GSE1: variants seen among roughly 807,000 people sequenced by gnomAD.
GSE1 encodes genetic suppressor element 1.
A neutral mutation model predicts 112.6 loss-of-function variants in GSE1; 32 were observed. That is an observed-to-expected ratio of 0.28 (90% CI 0.21 to 0.38). GSE1 has a LOEUF of 0.38. Among genes scored for constraint, GSE1 ranks in the 10% least tolerant of loss-of-function variants. GSE1 has a pLI of 1.00. For missense variants in GSE1, 2,348 were observed against 1,699.2 expected, an observed-to-expected ratio of 1.38 and a Z score of -6.71; for synonymous variants, 1,115 against 735.6, an observed-to-expected ratio of 1.52 and a Z score of -8.35.
intron 2 of GSE1, among the ~76,000 whole-genome samples, chr16:85,382,788 C>T (rs1402483644): frequency 1.3e-5 from 2 of 150,630 alleles, no homozygotes; most frequent in Non-Finnish European, 2.9e-5. Context: ...CATGCACACA[C>T]ACAACACATG....
intron 1 of GSE1, among the ~76,000 whole-genome samples, chr16:85,228,513 C>T (rs2075528434): frequency 6.6e-6 from 1 of 152,188 alleles, no homozygotes. Flanking sequence ...GTTTACGCTC[C>T]CCAGCCCTAG....
intron 1 of GSE1, among the ~76,000 whole-genome samples, chr16:85,314,707 C>T (rs917067105): frequency 6.6e-6 from 1 of 152,210 alleles, no homozygotes; most frequent in Non-Finnish European, 1.5e-5. Flanking sequence ...TGGAGCTCCG[C>T]CGTCTCCCCC....
At chr16:85,246,406 C>CACACACACACACCCCACACGCTGTCT (rs1905773088) in intron 1 of GSE1, among the ~76,000 whole-genome samples, 1 of 5,136 alleles carries the variant, frequency 1.9e-4, no homozygotes, top group Non-Finnish European at 3.5e-4. Context: ...ACGCTGTCTA[C>CACACACACACACCCCACACGCTGTCT]ACACACACAC....
intron 1 of GSE1, among the ~76,000 whole-genome samples, chr16:85,263,160 G>A (rs1158935190): frequency 2.0e-5 from 3 of 152,216 alleles, no homozygotes; most frequent in Non-Finnish European, 4.4e-5. Context: ...GAGGGAAGAG[G>A]GTTGTAGCTT....
At chr16:85,542,780 C>T (rs778318575) in intron 2 of GSE1, among the ~76,000 whole-genome samples, 3 of 152,250 alleles carry the variant, frequency 2.0e-5, no homozygotes, top group Non-Finnish European at 4.4e-5. Context: ...CACCATGATA[C>T]TTGTGAGTCA....
intron 2 of GSE1, among the ~76,000 whole-genome samples, chr16:85,420,934 T>C (rs1053634149): frequency 6.6e-6 from 1 of 152,140 alleles, no homozygotes; most frequent in East Asian, 1.9e-4. Flanking sequence ...CGCGCTGTCC[T>C]GCAGGGGGCG....
chr16:85,653,808 A>T (rs970039265), intron 3 of GSE1, among the ~76,000 whole-genome samples: 8 of 152,284 alleles, frequency 5.3e-5, no homozygotes, highest in African/African-American at 1.7e-4. Context: ...ATCTGCGGCC[A>T]GGTGGGCAGC....
At chr16:85,382,618 G>A (rs1022957560) in intron 2 of GSE1, among the ~76,000 whole-genome samples, 4 of 152,170 alleles carry the variant, frequency 2.6e-5, no homozygotes, top group African/African-American at 9.7e-5. Context: ...TAAGATGGGA[G>A]GGACAGAATG....
At chr16:85,636,576 C>T (rs1399704437) in intron 2 of GSE1, among the ~76,000 whole-genome samples, 2 of 152,214 alleles carry the variant, frequency 1.3e-5, no homozygotes, top group African/African-American at 4.8e-5. Flanking sequence ...GCCGGCAGCC[C>T]TCCCGGGACC....
chr16:85,577,075 G>A (rs2046257574), intron 1 of GSE1, among the ~76,000 whole-genome samples: 1 of 151,382 alleles, frequency 6.6e-6, no homozygotes, highest in Non-Finnish European at 1.5e-5. Flanking sequence ...CAGGACTTGG[G>A]TCCTGGAGGT....
intron 1 of GSE1, among the ~76,000 whole-genome samples, chr16:85,221,823 C>T (rs916748062): frequency 1.3e-5 from 2 of 148,952 alleles, no homozygotes; most frequent in East Asian, 2.2e-4. Context: ...TACCCCTTGC[C>T]GGGGCTGGGG....
At chr16:85,470,796 G>T (rs903666116) in intron 2 of GSE1, among the ~76,000 whole-genome samples, 4 of 152,210 alleles carry the variant, frequency 2.6e-5, no homozygotes, top group Non-Finnish European at 5.9e-5. Context: ...GACCCAGTCA[G>T]TGTTTCTTTT....
At chr16:85,312,929 C>T (rs913239735) in intron 1 of GSE1, among the ~76,000 whole-genome samples, 8 of 152,096 alleles carry the variant, frequency 5.3e-5, no homozygotes, top group East Asian at 1.9e-4. Flanking sequence ...GCAGGTGTGA[C>T]GGAAGTGCTG....
intron 1 of GSE1, among the ~76,000 whole-genome samples, chr16:85,309,571 G>A (rs2045775133): frequency 6.6e-6 from 1 of 152,212 alleles, no homozygotes; most frequent in African/African-American, 2.4e-5. Flanking sequence ...ATTTAACTCA[G>A]CACATCCAAA....
At chr16:85,321,139 C>G (rs1366661105) in intron 1 of GSE1, among the ~76,000 whole-genome samples, 1 of 152,168 alleles carries the variant, frequency 6.6e-6, no homozygotes, top group African/African-American at 2.4e-5. Context: ...AGGACAGGGA[C>G]CTTGTCTGTC....
chr16:85,192,769 TC>T (rs2074850074), intron 1 of GSE1, among the ~76,000 whole-genome samples: 1 of 152,202 alleles, frequency 6.6e-6, no homozygotes, highest in South Asian at 2.1e-4. Context: ...CTGGGTGGCT[TC>T]CCTGGGCCAG....
chr16:85,437,429 C>T (rs1218594431), intron 2 of GSE1, among the ~76,000 whole-genome samples: 3 of 152,106 alleles, frequency 2.0e-5, no homozygotes, highest in Non-Finnish European at 2.9e-5. Flanking sequence ...CCTGCTGGAC[C>T]GGGAGGCAGC....
chr16:85,444,247 G>A (rs2049453221), intron 2 of GSE1, among the ~76,000 whole-genome samples: 1 of 152,212 alleles, frequency 6.6e-6, no homozygotes, highest in Non-Finnish European at 1.5e-5. Context: ...GCCTCCCAAA[G>A]TGCTGGGATT....
In GSE1 at chr16:85,428,167, C is replaced by T. The variant is rs562018207; in HGVS notation, c.2464+70524C>T. On this transcript the variant is annotated intron_variant, in intron 2 of 2. Coordinates refer to the GSE1 transcript ENST00000637419. ...TTGTCTCTTTGAGCCTCTCCAGATC[C>T]CAGGCAGGAGGGAGAGCAGGGGCTG... Among the ~76,000 whole-genome samples the T allele has an allele frequency of 3.9e-5, 6 of 152,330 alleles. No individual in the cohort carries two copies. In the South Asian group the frequency reaches 1.0e-3, roughly 26 times the overall value.
Sources: gnomAD v4.1 joint callset for allele counts (sites outside exome capture counted in the v4.1 genomes callset) on GRCh38, gnomAD v4.1.1 for gene constraint, MANE v1.5 for transcripts, NCBI Gene and HGNC (gene_info 2026-07-23, HGNC 2026-07-21) for gene names.